The following RNF121 variants were observed in gnomAD, a reference collection of about 807,000 sequenced individuals.
The protein encoded by RNF121 is E3 ubiquitin ligase RNF121.
Under a neutral mutation model 46.5 loss-of-function variants are expected in RNF121, and 21 were observed. The observed-to-expected ratio is 0.45, with a 90% CI of 0.32 to 0.65. RNF121 has a LOEUF of 0.65. RNF121 is among the 30% of genes least tolerant of loss of function. The pLI, the probability that RNF121 is intolerant of heterozygous loss-of-function variation, is 0.04. For synonymous variants in RNF121, 139 were observed against 144.7 expected, an observed-to-expected ratio of 0.96 and a Z score of 0.28; for missense variants, 346 against 416.0, an observed-to-expected ratio of 0.83 and a Z score of 1.46.
At chr11:71,990,427 A>G (rs1054665008) in intron 5 of RNF121, among the ~76,000 whole-genome samples, 170 bp from the exon 6 acceptor site, 4 of 152,202 alleles carry the variant, frequency 2.6e-5, no homozygotes, top group Non-Finnish European at 5.9e-5. Flanking sequence ...AGAGGTGTTC[A>G]TGGGCCATAT....
In RNF121 at chr11:71,970,818, A is replaced by AG. The variant is rs570349407; in HGVS notation, c.243+9930dup. 6.6e-5 allele frequency among the ~76,000 whole-genome samples: 10 copies of AG among 152,318 alleles called. No individual in the cohort carries two copies. In the South Asian group the frequency reaches 2.1e-3, roughly 32 times the overall value. ...CAAGAAAGAAAGCAACTACCAAGAC[A>AG]GGGACTTACCTTGCCTTAAGACACA... is the stretch of plus-strand genomic sequence containing the variant. On this transcript the variant is annotated intron_variant, in intron 3 of 8. Coordinates refer to ENST00000361756, the MANE Select transcript of RNF121 (RefSeq NM_018320.5).
At chr11:71,951,144 A>G (rs2134165459) in intron 1 of RNF121, among the ~76,000 whole-genome samples, 1 of 151,666 alleles carries the variant, frequency 6.6e-6, no homozygotes, top group South Asian at 2.1e-4. Flanking sequence ...GAATCGCTTG[A>G]ACCTGGGAGG....
chr11:71,972,871 C>T (rs1954448457), intron 3 of RNF121, among the ~76,000 whole-genome samples: 1 of 152,012 alleles, frequency 6.6e-6, no homozygotes, highest in Non-Finnish European at 1.5e-5. Context: ...GAGCTCAAGC[C>T]CAACCTTCAC....
At chr11:71,984,629 G>A (rs1954730791) in intron 4 of RNF121, among the ~76,000 whole-genome samples, 1 of 151,658 alleles carries the variant, frequency 6.6e-6, no homozygotes, top group African/African-American at 2.4e-5. Context: ...GTCTCACTCT[G>A]TCACCCAGGC....
At chr11:71,943,628 TG>T (rs1398222002) in intron 1 of RNF121, among the ~76,000 whole-genome samples, 1 of 152,138 alleles carries the variant, frequency 6.6e-6, no homozygotes, top group Admixed American at 6.5e-5. Flanking sequence ...TTGCTCATGG[TG>T]TAGTGGAAAA....
chr11:71,931,161 T>C (rs1376364776), intron 1 of RNF121, among the ~76,000 whole-genome samples: 1 of 152,192 alleles, frequency 6.6e-6, no homozygotes, highest in African/African-American at 2.4e-5. Flanking sequence ...CATTAAGACA[T>C]GTTTGATTTT....
At chr11:71,986,837 G>A (rs951566164) in intron 4 of RNF121, among the ~76,000 whole-genome samples, 167 bp from the exon 5 acceptor site, 9 of 151,402 alleles carry the variant, frequency 5.9e-5, no homozygotes, top group African/African-American at 2.2e-4. Context: ...AGGCATTTCT[G>A]CAGTTAAGGG....
intron 3 of RNF121, among the ~76,000 whole-genome samples, chr11:71,965,107 G>A (rs1954243646): frequency 6.6e-6 from 1 of 152,164 alleles, no homozygotes; most frequent in African/African-American, 2.4e-5. Flanking sequence ...GTTATAGATA[G>A]GAAAAATCTG....
At chr11:71,966,380 A>G (rs1954277411) in intron 3 of RNF121, among the ~76,000 whole-genome samples, 1 of 152,178 alleles carries the variant, frequency 6.6e-6, no homozygotes, top group Admixed American at 6.5e-5. Context: ...ATAGTTCTAC[A>G]AGACTTCAGA....
chr11:71,990,982 T>C (rs1259972494), intron 6 of RNF121, among the ~76,000 whole-genome samples: 2 of 152,190 alleles, frequency 1.3e-5, no homozygotes, highest in Non-Finnish European at 2.9e-5. Flanking sequence ...GAAAACCAAA[T>C]ACTGCATGTT....
intron 1 of RNF121, among the ~76,000 whole-genome samples, chr11:71,934,275 G>A (rs1417746156): frequency 6.6e-6 from 1 of 152,244 alleles, no homozygotes; most frequent in African/African-American, 2.4e-5. Flanking sequence ...AATGGATAAA[G>A]TGTGATAATT....
chr11:71,974,846 G>T (rs550125276), intron 3 of RNF121, among the ~76,000 whole-genome samples: 1 of 152,164 alleles, frequency 6.6e-6, no homozygotes, highest in Admixed American at 6.5e-5. Context: ...GGCAGCTTAA[G>T]AGACAGAAAA....
At chr11:71,947,483 C>CA (rs35167855) in intron 1 of RNF121, among the ~76,000 whole-genome samples, 127,896 of 145,506 alleles carry the variant, frequency 0.88, 56,243 homozygotes, top group Non-Finnish European at 0.94. Context: ...AGACCTGTCT[C>CA]AAAAAAAAAA....
chr11:71,955,087 G>A (rs79155552), intron 1 of RNF121, among the ~76,000 whole-genome samples: 4,945 of 152,232 alleles, frequency 0.032, 77 homozygotes, highest in East Asian at 0.078. Flanking sequence ...CCAGGACTAG[G>A]GTGAGGGAAA....
At chr11:71,968,650 G>A (rs1026192310) in intron 3 of RNF121, among the ~76,000 whole-genome samples, 2 of 152,128 alleles carry the variant, frequency 1.3e-5, no homozygotes. Context: ...ACACTAGCTA[G>A]CATTTATTGA....
At chr11:71,958,155 G>T (rs1028102805) in intron 2 of RNF121, among the ~76,000 whole-genome samples, 2 of 152,154 alleles carry the variant, frequency 1.3e-5, no homozygotes, top group African/African-American at 4.8e-5. Flanking sequence ...CTCTGCTGAG[G>T]TCACAAATAT....
intron 3 of RNF121, among the ~76,000 whole-genome samples, chr11:71,961,324 A>G (rs1443991898): frequency 6.6e-6 from 1 of 152,032 alleles, no homozygotes. Context: ...ACTTTGGGAG[A>G]TTGAGGTGGG....
chr11:71,976,979 G>A (rs999505624), intron 3 of RNF121, among the ~76,000 whole-genome samples: 1 of 152,056 alleles, frequency 6.6e-6, no homozygotes, highest in African/African-American at 2.4e-5. Flanking sequence ...GCTTTGTGCT[G>A]TCCACAGTTG....
intron 4 of RNF121, among the ~76,000 whole-genome samples, chr11:71,984,064 T>G (rs961383742): frequency 1.3e-5 from 2 of 152,234 alleles, no homozygotes; most frequent in African/African-American, 2.4e-5. Context: ...GCCCTGCCAC[T>G]TGTTCACTGT....
Sources: gnomAD v4.1 joint callset for allele counts (sites outside exome capture counted in the v4.1 genomes callset) on GRCh38, gnomAD v4.1.1 for gene constraint, MANE v1.5 for transcripts, NCBI Gene and HGNC (gene_info 2026-07-23, HGNC 2026-07-21) for gene names.